Variants in MACROD1 observed in about 807,000 individuals in gnomAD.
MACROD1 encodes the protein mono-ADP ribosylhydrolase 1, also known as ADP-ribose glycohydrolase MACROD1.
Under a neutral mutation model 41.4 loss-of-function variants are expected in MACROD1, and 31 were observed. That is an observed-to-expected ratio of 0.75 (90% CI 0.56 to 1.01). The LOEUF is 1.01. Ranked by LOEUF, MACROD1 falls within the 50% of genes least tolerant of loss-of-function variation. The probability of loss-of-function intolerance (pLI) is 0.00; values close to 1 mark genes in which losing one functional copy is unlikely to be tolerated. For missense variants in MACROD1, 473 were observed against 460.0 expected (o/e 1.03, Z -0.26); for synonymous variants, 252 against 203.4 (o/e 1.24, Z -2.03).
At chr11:64,072,896 T>C (rs1398841480) in intron 3 of MACROD1, among the ~76,000 whole-genome samples, 1 of 152,142 alleles carries the variant, frequency 6.6e-6, no homozygotes, top group Non-Finnish European at 1.5e-5. Flanking sequence ...AGGGGCTTTA[T>C]TTTTTCTCAA....
In MACROD1 at chr11:64,127,740, C is replaced by T. The variant is rs531753583; in HGVS notation, c.517+23499G>A. ...GCTATGGGTTATCCTGGAAGAGGCT[C>T]CAGCAACCAAGTGGCTCCGGGGTAA... On this transcript the variant is annotated intron_variant, in intron 3 of 10. Coordinates refer to ENST00000255681, the MANE Select transcript of MACROD1 (RefSeq NM_014067.4). Among the ~76,000 whole-genome samples the T allele has an allele frequency of 4.6e-5, 7 of 152,258 alleles. No individual in the cohort carries two copies. The East Asian group carries it at 1.4e-3, about 29-fold the overall frequency.
At chr11:64,130,096 A>G (rs939268327) in intron 3 of MACROD1, among the ~76,000 whole-genome samples, 11 of 151,180 alleles carry the variant, frequency 7.3e-5, no homozygotes, top group African/African-American at 2.7e-4. Flanking sequence ...CCTACCCCAC[A>G]CCACTGCTGC....
chr11:64,047,712 C>T (rs188202838), intron 3 of MACROD1, among the ~76,000 whole-genome samples: 58 of 152,096 alleles, frequency 3.8e-4, no homozygotes, highest in African/African-American at 1.1e-3. Flanking sequence ...GCCTGGCCAA[C>T]GTGGTGAAAC....
intron 3 of MACROD1, among the ~76,000 whole-genome samples, chr11:64,091,234 C>T (rs1002217501): frequency 2.0e-4 from 30 of 152,066 alleles, no homozygotes; most frequent in African/African-American, 7.2e-4. Context: ...GCAGGGTCTG[C>T]AGCCCACGGA....
At chr11:64,079,052 T>G (rs1590877280) in intron 3 of MACROD1, among the ~76,000 whole-genome samples, 1 of 130,876 alleles carries the variant, frequency 7.6e-6, no homozygotes, top group East Asian at 2.4e-4. Flanking sequence ...TGAGCCGCTG[T>G]GCGGACAGAC....
At chr11:64,038,933 C>G (rs1943433271) in intron 3 of MACROD1, among the ~76,000 whole-genome samples, 1 of 152,148 alleles carries the variant, frequency 6.6e-6, no homozygotes, top group Non-Finnish European at 1.5e-5. Context: ...GGGGAGGCAC[C>G]CACGTTGAGA....
chr11:64,024,309 G>A (rs1943197137), intron 3 of MACROD1, among the ~76,000 whole-genome samples: 2 of 152,328 alleles, frequency 1.3e-5, no homozygotes, highest in South Asian at 4.1e-4. Flanking sequence ...TTTGCATTGG[G>A]CCAAGTATTT....
intron 4 of MACROD1, among the ~76,000 whole-genome samples, chr11:64,003,697 C>A: frequency 6.6e-6 from 1 of 152,196 alleles, no homozygotes; most frequent in Non-Finnish European, 1.5e-5. Context: ...CAAAACTTGC[C>A]CACACGGCTG....
chr11:64,108,322 A>G (rs1475086365), intron 3 of MACROD1, among the ~76,000 whole-genome samples: 2 of 151,918 alleles, frequency 1.3e-5, no homozygotes, highest in African/African-American at 2.4e-5. Flanking sequence ...TCAAAAAAAA[A>G]AAAAAAAGAC....
chr11:64,016,341 A>C (rs557136149), intron 3 of MACROD1, among the ~76,000 whole-genome samples: 26 of 152,362 alleles, frequency 1.7e-4, no homozygotes, highest in African/African-American at 6.0e-4. Flanking sequence ...GGGTGAGGCC[A>C]GGCAGGTGCC....
intron 3 of MACROD1, among the ~76,000 whole-genome samples, chr11:64,088,611 T>C (rs910996659): frequency 6.6e-6 from 1 of 152,160 alleles, no homozygotes; most frequent in African/African-American, 2.4e-5. Flanking sequence ...CCCCGGGTTT[T>C]GTTTTTCCAT....
intron 3 of MACROD1, among the ~76,000 whole-genome samples, chr11:64,056,960 C>T (rs1161783124): frequency 6.6e-6 from 1 of 152,216 alleles, no homozygotes; most frequent in Non-Finnish European, 1.5e-5. Flanking sequence ...CCAGCTTCCC[C>T]ACCCAGCCCG....
chr11:64,063,101 T>A (rs1360426201), intron 3 of MACROD1, among the ~76,000 whole-genome samples: 1 of 152,068 alleles, frequency 6.6e-6, no homozygotes, highest in Non-Finnish European at 1.5e-5. Flanking sequence ...AGTGGAAACT[T>A]CAGAGAACAA....
chr11:64,080,529 T>C (rs1944284515), intron 3 of MACROD1, among the ~76,000 whole-genome samples: 1 of 152,014 alleles, frequency 6.6e-6, no homozygotes, highest in South Asian at 2.1e-4. Flanking sequence ...GGGACAAAAA[T>C]AAGCACCTAA....
chr11:64,009,918 T>C (rs963069821), intron 4 of MACROD1, among the ~76,000 whole-genome samples: 3 of 152,246 alleles, frequency 2.0e-5, no homozygotes, highest in African/African-American at 4.8e-5. Context: ...CGGCCCCTCC[T>C]GGCAGGAACT....
At chr11:64,062,772 G>A (rs1662644900) in intron 3 of MACROD1, among the ~76,000 whole-genome samples, 1 of 152,136 alleles carries the variant, frequency 6.6e-6, no homozygotes, top group African/African-American at 2.4e-5. Context: ...AACCAGGCCG[G>A]GCAGGTCTGG....
chr11:64,030,849 G>A (rs1483291741), intron 3 of MACROD1, among the ~76,000 whole-genome samples: 4 of 151,046 alleles, frequency 2.6e-5, no homozygotes, highest in African/African-American at 9.8e-5. Context: ...TCAGGAGTTC[G>A]AATCCAGCCT....
chr11:64,004,532 C>A (rs1942878436), intron 4 of MACROD1, among the ~76,000 whole-genome samples: 1 of 152,118 alleles, frequency 6.6e-6, no homozygotes. Context: ...GCCCACAGGA[C>A]CAGGAGGGCA....
intron 3 of MACROD1, among the ~76,000 whole-genome samples, chr11:64,137,008 T>C (rs557051721): frequency 3.0e-4 from 46 of 152,364 alleles, no homozygotes; most frequent in African/African-American, 1.1e-3. Flanking sequence ...GCCGCCTGTG[T>C]GATTCCTAAG....
Sources: allele counts gnomAD v4.1 joint callset (sites outside exome capture counted in the v4.1 genomes callset), GRCh38; gene constraint gnomAD v4.1.1; transcripts MANE v1.5; gene names NCBI Gene and HGNC (gene_info 2026-07-23, HGNC 2026-07-21).